BECN1: variants seen among roughly 807,000 people sequenced by gnomAD.
BECN1 encodes beclin 1, also known as beclin-1.
A neutral mutation model predicts 60.1 loss-of-function variants in BECN1; 15 were observed. The observed-to-expected ratio is 0.25, with a 90% CI of 0.17 to 0.38. BECN1 has a LOEUF of 0.38. Among genes scored for constraint, BECN1 ranks in the 10% least tolerant of loss-of-function variants. BECN1 has a pLI of 1.00. For missense variants in BECN1, 424 were observed against 548.2 expected (o/e 0.77, Z 2.26); for synonymous variants, 179 against 201.8 (o/e 0.89, Z 0.96).
intron 11 of BECN1, chr17:42,811,391 T>G (rs1022400746): frequency 5.4e-6 from 2 of 368,026 alleles, no homozygotes; most frequent in Non-Finnish European, 9.6e-6. Flanking sequence ...AAAACCTTCT[T>G]GAAACTGGAG....
intron 10 of BECN1, 163 bp downstream of exon 10, chr17:42,813,785 C>G (rs1443647048): frequency 1.9e-6 from 1 of 517,228 alleles, no homozygotes; most frequent in Non-Finnish European, 3.4e-6. Flanking sequence ...TCTACAAGAC[C>G]CCCAAAACTA....
intron 8 of BECN1, 132 bp downstream of exon 8, chr17:42,815,776 T>C (rs992463105): frequency 8.4e-7 from 1 of 1,183,674 alleles, no homozygotes; most frequent in African/African-American, 1.5e-5. Flanking sequence ...CCCATCACTA[T>C]GAATGAAAGA....
rs1017434622 is a variant in BECN1 at position 42,810,268 on chromosome 17, G to A, written c.*492C>T. On this transcript the variant is annotated 3_prime_UTR_variant, in exon 12 of 12. Transcript: ENST00000590099. ...ATTCAGTATAAGAACCAAGTGAAAA[G>A]TGTTAAATTTCAAGCATCTGATCAC... is the stretch of plus-strand genomic sequence containing the variant. The A allele has an allele frequency of 6.5e-6, 1 of 153,060 alleles. No homozygotes were observed. The highest frequency in any genetic ancestry group is 2.4e-5 in the African/African-American group (1 of 41,440). 9.5% of individuals were successfully genotyped at this position (153,060 alleles called of 1,614,324 possible).
At chr17:42,823,058 C>T (rs1285564771) in intron 2 of BECN1, among the ~76,000 whole-genome samples, 1 of 152,028 alleles carries the variant, frequency 6.6e-6, no homozygotes. Flanking sequence ...CTCTGTGCCT[C>T]GGTTCTTCAT....
chr17:42,814,538 A>T lies in BECN1; in HGVS notation c.966T>A (p.Gly322=). Residue 322 remains glycine, a synonymous_variant, in exon 9 of 12, where the codon GGT becomes GGA. Coordinates refer to ENST00000590099, the MANE Select transcript of BECN1 (RefSeq NM_001313998.2). ...ACACTTCCTACCTCTGAAATTTCAGACCCATCTTATTGGCCAGAGCATGGA... is the reference window on the plus strand; with the variant it reads ...ACACTTCCTACCTCTGAAATTTCAGTCCCATCTTATTGGCCAGAGCATGGA... The part of the protein sequence containing the change: ...LLLHALANKM[G]LKFQRYRLVP... 1 of 1,614,078 alleles carries T rather than the reference A, an allele frequency of 6.2e-7. No individual in the cohort carries two copies. The highest frequency in any genetic ancestry group is 8.5e-7 in the Non-Finnish European group (1 of 1,180,020).
Position 42,821,129 on chromosome 17 carries a change from G to A in BECN1, c.131-288C>T, listed in dbSNP as rs1043278883. On this transcript the variant is annotated intron_variant, in intron 2 of 11. Coordinates refer to ENST00000590099, the MANE Select transcript of BECN1 (RefSeq NM_001313998.2). ...GGCTGGGGTGCAGTGGCACGATCTCGGCTCACTGCAATCTCTGCCTCCCGG... is the reference window on the plus strand; with the variant it reads ...GGCTGGGGTGCAGTGGCACGATCTCAGCTCACTGCAATCTCTGCCTCCCGG... Among the ~76,000 whole-genome samples the A allele has an allele frequency of 7.2e-5, 11 of 152,150 alleles. 1 individual carries two copies. The highest frequency in any genetic ancestry group is 1.9e-4 in the African/African-American group (8 of 41,488).
Position 42,824,142 on chromosome 17 carries a change from C to A in BECN1, c.-3+13G>T. 2.2e-6 allele frequency: 1 copy of A among 452,682 alleles called. No homozygotes were observed. The highest frequency in any genetic ancestry group is 3.9e-6 in the Non-Finnish European group (1 of 255,378). 28.0% of individuals were successfully genotyped at this position (452,682 alleles called of 1,614,324 possible). ...CCTTCTAAGGTCCCACCTCAGCCCC[C>A]GATGCTCTTCACCTCGGGAGCCCGG... On this transcript the variant is annotated intron_variant, in intron 1 of 11. Coordinates refer to ENST00000590099, the MANE Select transcript of BECN1 (RefSeq NM_001313998.2).
chr17:42,823,560 C>T, intron 2 of BECN1, 188 bp downstream of exon 2: 2 of 861,466 alleles, frequency 2.3e-6, no homozygotes, highest in South Asian at 2.0e-5. Flanking sequence ...GGTCGGAAAG[C>T]TCTCAGAAGT....
intron 7 of BECN1, among the ~76,000 whole-genome samples, 165 bp downstream of exon 7, chr17:42,818,056 C>G (rs2030772204): frequency 6.6e-6 from 1 of 152,194 alleles, no homozygotes; most frequent in African/African-American, 2.4e-5. Context: ...ACTCTCCCAA[C>G]AAACCTCTAG....
chr17:42,823,851 G>A lies in BECN1; in HGVS notation c.27C>T (p.Asn9=). MEGSKTSN[N]STMQVSFVCQ... ...ACACGAAGCTCACCTGCATGGTGCT[G>A]TTGTTGGACGTCTTAGACCCTTCCA... The change falls in exon 2 of 12, where the codon AAC becomes AAT. Residue 9 remains asparagine (N), a synonymous_variant. Coordinates refer to ENST00000590099, the MANE Select transcript of BECN1 (RefSeq NM_001313998.2). The A allele has an allele frequency of 1.2e-6, 2 of 1,614,142 alleles. No homozygotes were observed. Among genetic ancestry groups the A allele is most frequent in the Non-Finnish European group, 8.5e-7 (1 of 1,180,010 alleles).
intron 10 of BECN1, chr17:42,813,601 C>T (rs1597928731): frequency 5.7e-6 from 1 of 175,586 alleles, no homozygotes; most frequent in Admixed American, 6.1e-5. Flanking sequence ...ATCTTAGTAT[C>T]TATATGCCAA....
At chr17:42,821,723 T>C (rs1261919891) in intron 2 of BECN1, among the ~76,000 whole-genome samples, 1 of 152,212 alleles carries the variant, frequency 6.6e-6, no homozygotes, top group Admixed American at 6.5e-5. Context: ...CATGACAATT[T>C]ACCTTTCTAA....
intron 11 of BECN1, 81 bp downstream of exon 11, chr17:42,811,574 T>G: frequency 6.5e-7 from 1 of 1,535,650 alleles, no homozygotes; most frequent in South Asian, 1.3e-5. Flanking sequence ...ATTTATACTG[T>G]TTTGCCTCCA....
At chr17:42,823,418 C>T (rs1358400471) in intron 2 of BECN1, among the ~76,000 whole-genome samples, 3 of 152,106 alleles carry the variant, frequency 2.0e-5, no homozygotes, top group Admixed American at 1.3e-4. Context: ...TCACGCCCGG[C>T]TAATTTTTGT....
chr17:42,811,334 G>C, intron 11 of BECN1: 1 of 293,128 alleles, frequency 3.4e-6, no homozygotes, highest in Non-Finnish European at 6.2e-6. Flanking sequence ...TGGGATCCTA[G>C]AAAAATCAAA....
chr17:42,817,205 G>A lies in BECN1; in HGVS notation c.683+1016C>T, dbSNP rs180681452. On this transcript the variant is annotated intron_variant, in intron 7 of 11. Transcript: ENST00000590099. ...AGCTACTTGGGAGGCTGAGGCGGGA[G>A]GATTGCTTAGGTGTAGGAAGTCAAG... Among the ~76,000 whole-genome samples, 79 of 151,904 alleles carry A rather than the reference G, an allele frequency of 5.2e-4. 3 individuals carry two copies. The highest frequency in any genetic ancestry group is 5.1e-3 in the Admixed American group (77 of 15,234).
chr17:42,818,951 G>A (rs2055204707), intron 4 of BECN1, 74 bp from the exon 5 acceptor site: 3 of 1,533,290 alleles, frequency 2.0e-6, no homozygotes, highest in Non-Finnish European at 2.7e-6. Flanking sequence ...AATGCCAGTG[G>A]CAGAGACTCT....
chr17:42,815,761 C>T, intron 8 of BECN1, 147 bp downstream of exon 8: 5 of 1,022,150 alleles, frequency 4.9e-6, no homozygotes, highest in African/African-American at 3.2e-5. Context: ...CCCTACTGTG[C>T]CTATCCCATC....
intron 2 of BECN1, 102 bp downstream of exon 2, chr17:42,823,646 G>T: frequency 6.9e-7 from 1 of 1,450,360 alleles, no homozygotes; most frequent in Middle Eastern, 1.8e-4. Context: ...AGGTTCACAC[G>T]ATGAGTTTGT....
Sources: gnomAD v4.1 joint callset for allele counts (sites outside exome capture counted in the v4.1 genomes callset) on GRCh38, gnomAD v4.1.1 for gene constraint, MANE v1.5 for transcripts, NCBI Gene and HGNC (gene_info 2026-07-23, HGNC 2026-07-21) for gene names.